Variants in KDM4B observed in about 807,000 individuals in gnomAD.
KDM4B encodes lysine-specific demethylase 4B.
Under a neutral mutation model 125.2 loss-of-function variants are expected in KDM4B, and 32 were observed. The ratio of observed to expected loss-of-function variants is 0.26; its 90% confidence interval spans 0.19 to 0.34. The LOEUF (loss-of-function observed/expected upper bound fraction) is 0.34, where lower values mean the gene tolerates loss of function less well. KDM4B is among the 10% of genes least tolerant of loss of function. KDM4B has a pLI of 1.00. For missense variants in KDM4B, 1,190 were observed against 1,577.7 expected, an observed-to-expected ratio of 0.75 and a Z score of 4.16; for synonymous variants, 721 against 677.9, an observed-to-expected ratio of 1.06 and a Z score of -0.99.
intron 2 of KDM4B, among the ~76,000 whole-genome samples, chr19:5,031,041 G>T (rs908017610): frequency 6.6e-6 from 1 of 152,260 alleles, no homozygotes; most frequent in African/African-American, 2.4e-5. Flanking sequence ...GGCACTGAGG[G>T]TCCCACAGTG....
chr19:4,970,645 A>G (rs1456618615), intron 1 of KDM4B, among the ~76,000 whole-genome samples: 1 of 148,786 alleles, frequency 6.7e-6, no homozygotes, highest in African/African-American at 2.4e-5. Context: ...CCGTTATGGG[A>G]GCTAATGACT....
chr19:4,973,151 C>G (rs539296167), intron 1 of KDM4B, among the ~76,000 whole-genome samples: 1 of 152,164 alleles, frequency 6.6e-6, no homozygotes, highest in East Asian at 1.9e-4. Flanking sequence ...CAGTAATGTC[C>G]CCAGAGTTGT....
chr19:4,970,513 T>A (rs1239873363), intron 1 of KDM4B, among the ~76,000 whole-genome samples: 1 of 152,192 alleles, frequency 6.6e-6, no homozygotes, highest in Non-Finnish European at 1.5e-5. Flanking sequence ...ATCGGTGCCC[T>A]GCCCCAGTCC....
At chr19:5,101,674 A>C (rs973765719) in intron 9 of KDM4B, among the ~76,000 whole-genome samples, 2 of 141,826 alleles carry the variant, frequency 1.4e-5, no homozygotes, top group African/African-American at 5.4e-5. Context: ...GATGCAGGGG[A>C]AGGGCGGGGA....
chr19:5,141,853 G>C lies in KDM4B; in HGVS notation c.2551-2114G>C, dbSNP rs2039749746. Among the ~76,000 whole-genome samples, 1 of 152,202 alleles carries C rather than the reference G, an allele frequency of 6.6e-6. No individual in the cohort carries two copies. Among genetic ancestry groups the C allele is most frequent in the African/African-American group, 2.4e-5 (1 of 41,454 alleles). ...GGAGGATCTGGGAGGTCTGGGAGGG[G>C]CTTGGGATGGGGGGAGGCGCCTCCA... On this transcript the variant is annotated intron_variant, in intron 18 of 22. Transcript: ENST00000159111. This position sits in a 1 kb window ranked among gnomAD's most constrained non-coding sequence, Gnocchi z 6.4.
chr19:4,982,257 A>G (rs2034666807), intron 1 of KDM4B, among the ~76,000 whole-genome samples: 1 of 148,530 alleles, frequency 6.7e-6, no homozygotes, highest in African/African-American at 2.5e-5. Flanking sequence ...GCACCACTGT[A>G]CTCCAGCCTG....
intron 9 of KDM4B, among the ~76,000 whole-genome samples, chr19:5,109,928 C>T (rs552330731): frequency 6.6e-6 from 1 of 152,316 alleles, no homozygotes; most frequent in East Asian, 1.9e-4. Context: ...TTTTTACCTA[C>T]CTGGGGGCAC....
intron 1 of KDM4B, among the ~76,000 whole-genome samples, chr19:4,991,814 C>T (rs1328127189): frequency 1.3e-5 from 2 of 152,206 alleles, no homozygotes; most frequent in Non-Finnish European, 2.9e-5. Flanking sequence ...TCTCTGTAAC[C>T]TTGCCCTTTT....
chr19:5,074,613 A>G (rs956905280), intron 7 of KDM4B: 3 of 152,252 alleles, frequency 2.0e-5, no homozygotes, highest in African/African-American at 7.2e-5. Context: ...GGCGGCAGGC[A>G]GTCATCATTC....
At chr19:5,116,235 T>TTA (rs1375772161) in intron 10 of KDM4B, among the ~76,000 whole-genome samples, 6 of 40,382 alleles carry the variant, frequency 1.5e-4, no homozygotes, top group East Asian at 9.5e-4. Flanking sequence ...ACCACATCTC[T>TTA]AAAAAAAAAA....
rs376971679 is a variant in KDM4B at position 5,131,248 on chromosome 19, C to T, written c.1488C>T (p.Ala496=). Residue 496 remains alanine, a synonymous_variant, in exon 12 of 23, where the codon GCC becomes GCT. Coordinates refer to ENST00000159111, the MANE Select transcript of KDM4B (RefSeq NM_015015.3). ...CGGTGCTGGGCCCAGGCCCTGCAGC[C>T]ATGGAGGAGAGCCCCCTGCCGGCAC... ...EPPVLGPGPA[A]MEESPLPAPL... is the part of the protein sequence containing the mutation. The T allele has an allele frequency of 3.1e-6, 5 of 1,609,168 alleles. No individual in the cohort carries two copies. The highest frequency in any genetic ancestry group is 4.2e-6 in the Non-Finnish European group (5 of 1,178,192).
chr19:5,129,216 C>T (rs1019696218), intron 11 of KDM4B, among the ~76,000 whole-genome samples: 4 of 152,072 alleles, frequency 2.6e-5, no homozygotes, highest in Admixed American at 6.5e-5. Flanking sequence ...CGCCTCCACT[C>T]CTGGGGGAGG....
chr19:4,977,535 C>T (rs569242719), intron 1 of KDM4B, among the ~76,000 whole-genome samples: 19 of 152,338 alleles, frequency 1.2e-4, no homozygotes, highest in Non-Finnish European at 2.5e-4. Context: ...TCCGAGCCGC[C>T]GGCAGTGGCG....
At chr19:4,983,758 C>G (rs892916485) in intron 1 of KDM4B, among the ~76,000 whole-genome samples, 2 of 152,160 alleles carry the variant, frequency 1.3e-5, no homozygotes, top group African/African-American at 2.4e-5. Context: ...GAATAACATC[C>G]TATAGCCACA....
chr19:5,011,836 G>C (rs1045676620), intron 1 of KDM4B, among the ~76,000 whole-genome samples: 8 of 152,322 alleles, frequency 5.3e-5, no homozygotes, highest in African/African-American at 1.9e-4. Context: ...GTTCTTGGGG[G>C]CCAAGTTCTG....
At chr19:5,057,029 C>CGT (rs74170763) in intron 6 of KDM4B, among the ~76,000 whole-genome samples, 8,999 of 144,058 alleles carry the variant, frequency 0.062, 315 homozygotes, top group Non-Finnish European at 0.076. Context: ...GATATATATG[C>CGT]GTGTGTGTGT....
At chr19:5,071,085 G>A in intron 7 of KDM4B, 26 bp downstream of exon 7, 1 of 1,608,728 alleles carries the variant, frequency 6.2e-7, no homozygotes, top group Non-Finnish European at 8.5e-7. Flanking sequence ...GAGGGCCCCA[G>A]GGACCTGGGA....
Position 5,151,737 on chromosome 19 carries a change from C to G in KDM4B, c.*226C>G, listed in dbSNP as rs1009698728. 2.5e-5 allele frequency: 10 copies of G among 393,772 alleles called. No homozygotes were observed. Among genetic ancestry groups the G allele is most frequent in the Non-Finnish European group, 4.0e-5 (9 of 223,618 alleles). The allele number at this position is 393,772 out of a possible 1,614,324, so 24.4% of individuals were successfully genotyped here. On this transcript the variant is annotated 3_prime_UTR_variant, in exon 23 of 23. Transcript: ENST00000159111. Reference sequence around the variant, plus strand: ...GGGGGCCGGCCAGGGGAGCACCCCACTCAACTACTCAGAATTTTAAACCAT... The same window carrying G: ...GGGGGCCGGCCAGGGGAGCACCCCAGTCAACTACTCAGAATTTTAAACCAT...
rs572345837 is a variant in KDM4B, at chr19:4,980,421, CTTT to C, written c.-109+11209_-109+11211del. Among the ~76,000 whole-genome samples, 178 of 109,710 alleles carry C rather than the reference CTTT, an allele frequency of 1.6e-3. 2 individuals carry two copies. The highest frequency in any genetic ancestry group is 2.1e-3 in the Admixed American group (22 of 10,620). 72.0% of individuals were successfully genotyped at this position (109,710 alleles called of 152,430 possible). On this transcript the variant is annotated intron_variant, in intron 1 of 22. Transcript: ENST00000159111. ...TGTCAGAGCCTTGTCCCTTTTCTTTCTTTTTTTTTTTTTTTTTTTTGAGATGGA... is the reference window on the plus strand; with the variant it reads ...TGTCAGAGCCTTGTCCCTTTTCTTTCTTTTTTTTTTTTTTTTTGAGATGGA...
Sources: allele counts gnomAD v4.1 joint callset (sites outside exome capture counted in the v4.1 genomes callset), GRCh38; gene constraint gnomAD v4.1.1; non-coding constraint Gnocchi (gnomAD v3.1); transcripts MANE v1.5; gene names NCBI Gene and HGNC (gene_info 2026-07-23, HGNC 2026-07-21).